The following CNBD2 variants were observed in gnomAD, a reference collection of about 807,000 sequenced individuals.
CNBD2 encodes the protein cyclic nucleotide-binding domain-containing protein 2.
In CNBD2, 64 loss-of-function variants were observed where a neutral mutation model predicts 63.7. The observed-to-expected ratio is 1.00, with a 90% CI of 0.82 to 1.24. The LOEUF is 1.24. Among genes scored for constraint, CNBD2 ranks in the 50% most tolerant of loss-of-function variants. The pLI, the probability that CNBD2 is intolerant of heterozygous loss-of-function variation, is 0.00. For missense variants in CNBD2, 691 were observed against 713.5 expected, an observed-to-expected ratio of 0.97 and a Z score of 0.36; for synonymous variants, 229 against 255.4, an observed-to-expected ratio of 0.90 and a Z score of 0.99.
At chr20:35,954,643 A>G, upstream of CNBD2, 1 of 1,291,026 alleles carries the variant, frequency 7.7e-7, no homozygotes, top group Non-Finnish European at 1.0e-6. Flanking sequence ...GCTCCTTCCG[A>G]ATGGTGGCGC....
chr20:35,972,982 A>T (rs1019871156), intron 2 of CNBD2: 5 of 580,306 alleles, frequency 8.6e-6, no homozygotes, highest in Non-Finnish European at 1.5e-5. Flanking sequence ...CCAGATTTAG[A>T]CAGCCTTACA....
chr20:35,984,563 T>G (rs2056640927), intron 5 of CNBD2, 64 bp from the exon 6 acceptor site: 2 of 1,562,380 alleles, frequency 1.3e-6, no homozygotes, highest in Non-Finnish European at 1.7e-6. Flanking sequence ...GGAAGATGTG[T>G]GTAAGGCTGA....
Position 35,972,745 on chromosome 20 carries a change from C to A in CNBD2, c.168C>A (p.His56Gln). Residue 56 changes from histidine (H) to glutamine (Q), a missense_variant, in exon 2 of 12, where the codon CAC becomes CAA. Transcript: ENST00000373973. ...TCATTGAGACTGCTCACTGGAAGCACCCTATCTTCTCCTTCTGGGATGTAA... is the reference window on the plus strand; with the variant it reads ...TCATTGAGACTGCTCACTGGAAGCAACCTATCTTCTCCTTCTGGGATGTAA... ...YQIIETAHWKHPIFSFWDKKM... is the reference protein window; with the variant it reads ...YQIIETAHWKQPIFSFWDKKM... 6.2e-7 allele frequency: 1 copy of A among 1,614,152 alleles called. No individual in the cohort carries two copies. The highest frequency in any genetic ancestry group is 1.1e-5 in the South Asian group (1 of 91,080).
At chr20:35,964,521 G>T (rs2056330441), upstream of CNBD2, among the ~76,000 whole-genome samples, 1 of 151,434 alleles carries the variant, frequency 6.6e-6, no homozygotes, top group African/African-American at 2.4e-5. Flanking sequence ...CTCCCGAGTA[G>T]CTGGGACTAC....
At chr20:35,955,689 G>A (rs2056249302), downstream of CNBD2, among the ~76,000 whole-genome samples, 2 of 152,318 alleles carry the variant, frequency 1.3e-5, no homozygotes, top group African/African-American at 2.4e-5. Context: ...TCAGTGAGAT[G>A]ATGTAGGTAA....
intron 8 of CNBD2, among the ~76,000 whole-genome samples, chr20:35,995,771 T>A (rs994506476): frequency 6.6e-6 from 1 of 152,240 alleles, no homozygotes; most frequent in Admixed American, 6.5e-5. Flanking sequence ...TTCAGTTCTC[T>A]TGGGTATTAC....
intron 3 of CNBD2, among the ~76,000 whole-genome samples, chr20:35,976,360 C>T (rs942729551): frequency 1.3e-5 from 2 of 152,174 alleles, no homozygotes; most frequent in Non-Finnish European, 2.9e-5. Context: ...TGGGAAAGGG[C>T]TGACCTGTGT....
chr20:35,994,589 G>GA (rs1217876629), intron 7 of CNBD2, among the ~76,000 whole-genome samples: 1,763 of 132,418 alleles, frequency 0.013, 35 homozygotes, highest in African/African-American at 0.046. Context: ...AAAAAAAAAA[G>GA]AAAAAAAAAA....
At chr20:36,006,958 G>T (rs759513319) in intron 8 of CNBD2, among the ~76,000 whole-genome samples, 4 of 152,122 alleles carry the variant, frequency 2.6e-5, no homozygotes, top group Non-Finnish European at 4.4e-5. Context: ...GGGAGGCCGA[G>T]GCAGGTGGCT....
At chr20:36,004,945 A>G (rs1024008978) in intron 8 of CNBD2, among the ~76,000 whole-genome samples, 11 of 152,176 alleles carry the variant, frequency 7.2e-5, no homozygotes, top group Admixed American at 1.3e-4. Flanking sequence ...CTGTTATTCC[A>G]TCTTGGCTGG....
rs1405279319 is a variant in CNBD2, at chr20:36,023,777, T to C, written c.1439+6T>C. On this transcript the variant is annotated splice_donor_region_variant and intron_variant, in intron 11 of 11. Transcript: ENST00000373973. ...CTCAATATTGCATTCCCCAGGTCAG[T>C]ACTGGAAATGTGCGTAAGTCCCATC... 6.3e-7 allele frequency: 1 copy of C among 1,595,242 alleles called. No individual in the cohort carries two copies. The highest frequency in any genetic ancestry group is 1.1e-5 in the South Asian group (1 of 87,532).
intron 3 of CNBD2, among the ~76,000 whole-genome samples, chr20:35,978,767 C>T (rs375574262): frequency 2.0e-5 from 3 of 152,090 alleles, no homozygotes; most frequent in East Asian, 1.9e-4. Context: ...ACTGGGATTA[C>T]AGGCATGAGC....
chr20:35,995,283 C>G, intron 8 of CNBD2, 131 bp downstream of exon 8: 1 of 563,714 alleles, frequency 1.8e-6, no homozygotes, highest in Non-Finnish European at 3.1e-6. Flanking sequence ...CTTCTACCAG[C>G]GGTGGAAACC....
chr20:36,004,486 A>T (rs1291252437), intron 8 of CNBD2, among the ~76,000 whole-genome samples: 1 of 152,032 alleles, frequency 6.6e-6, no homozygotes, highest in Non-Finnish European at 1.5e-5. Context: ...TTTAGGCAGC[A>T]TGCTGGGGCA....
intron 11 of CNBD2, among the ~76,000 whole-genome samples, chr20:36,029,991 A>C (rs910664358): frequency 3.3e-5 from 5 of 152,238 alleles, no homozygotes; most frequent in Non-Finnish European, 7.3e-5. Flanking sequence ...CGAATCATGT[A>C]ATATGTATAT....
At chr20:35,981,144 A>G (rs1482645952) in intron 4 of CNBD2, among the ~76,000 whole-genome samples, 1 of 152,162 alleles carries the variant, frequency 6.6e-6, no homozygotes, top group Non-Finnish European at 1.5e-5. Flanking sequence ...CTTGACAGCA[A>G]AAGCGACAGA....
chr20:35,991,826 A>G (rs2056749928), intron 7 of CNBD2, among the ~76,000 whole-genome samples: 1 of 152,056 alleles, frequency 6.6e-6, no homozygotes, highest in Non-Finnish European at 1.5e-5. Flanking sequence ...TGCTTCTCAA[A>G]GTGCGGTGGC....
intron 6 of CNBD2, among the ~76,000 whole-genome samples, chr20:35,986,244 C>G (rs961198679): frequency 6.6e-6 from 1 of 152,026 alleles, no homozygotes; most frequent in Non-Finnish European, 1.5e-5. Context: ...GTGTGATGGC[C>G]GAGGGGTCTG....
intron 8 of CNBD2, among the ~76,000 whole-genome samples, chr20:36,002,322 G>T (rs2056924987): frequency 6.6e-6 from 1 of 152,260 alleles, no homozygotes; most frequent in African/African-American, 2.4e-5. Flanking sequence ...AGGCAGGGAG[G>T]TTGCAGTGAG....
Sources: gnomAD v4.1 joint callset for allele counts (sites outside exome capture counted in the v4.1 genomes callset) on GRCh38, gnomAD v4.1.1 for gene constraint, MANE v1.5 for transcripts, NCBI Gene and HGNC (gene_info 2026-07-23, HGNC 2026-07-21) for gene names.